Variants in KCNAB1 observed in about 807,000 individuals in gnomAD.
The protein encoded by KCNAB1 is potassium voltage-gated channel subfamily A regulatory beta subunit 1, also known as voltage-gated potassium channel subunit beta-1.
Under a neutral mutation model 64.6 loss-of-function variants are expected in KCNAB1, and 35 were observed. That is an observed-to-expected ratio of 0.54 (90% CI 0.41 to 0.72). The LOEUF is 0.72. KCNAB1 is among the 30% of genes least tolerant of loss of function. KCNAB1 has a pLI of 0.00. For synonymous variants in KCNAB1, 177 were observed against 183.8 expected (o/e 0.96, Z 0.30); for missense variants, 401 against 512.9 (o/e 0.78, Z 2.11).
chr3:156,156,039 T>C (rs1715691317), intron 1 of KCNAB1, among the ~76,000 whole-genome samples: 1 of 152,170 alleles, frequency 6.6e-6, no homozygotes, highest in Non-Finnish European at 1.5e-5. Flanking sequence ...TGACTACCTG[T>C]GTGTTTGACC....
At chr3:156,352,599 C>G (rs1724929711) in intron 1 of KCNAB1, among the ~76,000 whole-genome samples, 1 of 152,224 alleles carries the variant, frequency 6.6e-6, no homozygotes, top group African/African-American at 2.4e-5. Context: ...CGGCCCTGGA[C>G]AGCCCCTTCA....
At chr3:156,443,935 AG>A (rs1200327249) in intron 2 of KCNAB1, among the ~76,000 whole-genome samples, 3 of 152,178 alleles carry the variant, frequency 2.0e-5, no homozygotes, top group Non-Finnish European at 4.4e-5. Flanking sequence ...CCCACCCCTC[AG>A]CCCCCTTGAG....
intron 1 of KCNAB1, among the ~76,000 whole-genome samples, chr3:156,375,237 A>C (rs938095466): frequency 7.4e-6 from 1 of 135,830 alleles, no homozygotes; most frequent in Admixed American, 6.9e-5. Context: ...CAGAACGTAG[A>C]ATGCAGTTTT....
At position 156,237,427 on chromosome 3, in the gene KCNAB1, A is replaced by G. The variant is rs116641932; in HGVS notation, c.275+116541A>G. Reference sequence around the variant, plus strand: ...AAATATTAGAAATTACAAGAAATGGAAAAACGAGAATTAAAGTTGCCTTTT... The same window carrying G: ...AAATATTAGAAATTACAAGAAATGGGAAAACGAGAATTAAAGTTGCCTTTT... On this transcript the variant is annotated intron_variant, in intron 1 of 13. Coordinates refer to ENST00000490337, the MANE Select transcript of KCNAB1 (RefSeq NM_172160.3). Among the ~76,000 whole-genome samples the G allele has an allele frequency of 8.0e-3, 1,223 of 152,338 alleles. 20 individuals carry two copies. Among genetic ancestry groups the G allele is most frequent in the African/African-American group, 0.028 (1,183 of 41,574 alleles).
chr3:156,433,490 G>A (rs893814558), intron 2 of KCNAB1, among the ~76,000 whole-genome samples: 2 of 152,198 alleles, frequency 1.3e-5, no homozygotes, highest in Non-Finnish European at 2.9e-5. Context: ...AAGGCTTCCT[G>A]GAGGAAGAGT....
At chr3:156,356,472 G>A (rs1560214180) in intron 1 of KCNAB1, among the ~76,000 whole-genome samples, 2 of 152,038 alleles carry the variant, frequency 1.3e-5, no homozygotes, top group Admixed American at 6.5e-5. Flanking sequence ...AGTTGTTGAT[G>A]GGACAATAGA....
In KCNAB1 at chr3:156,421,649, C is replaced by T. The variant is rs1387249405; in HGVS notation, c.309C>T (p.Cys103=). The change falls in exon 2 of 14, where the codon TGC becomes TGT. Residue 103 remains cysteine (C), a synonymous_variant. Transcript: ENST00000490337. ...NLGKSGLRVS[C]LGLGTWVTFG... ...GAAAATCAGGACTCAGAGTTTCTTGCTTGGGTCTTGGTAAGTACTGAGGGT... is the reference window on the plus strand; with the variant it reads ...GAAAATCAGGACTCAGAGTTTCTTGTTTGGGTCTTGGTAAGTACTGAGGGT... 1.9e-6 allele frequency: 3 copies of T among 1,613,850 alleles called. No homozygotes were observed. The highest frequency in any genetic ancestry group is 2.5e-6 in the Non-Finnish European group (3 of 1,179,842).
intron 1 of KCNAB1, among the ~76,000 whole-genome samples, chr3:156,297,649 T>A (rs576269735): frequency 7.9e-5 from 12 of 152,278 alleles, no homozygotes; most frequent in African/African-American, 2.9e-4. Flanking sequence ...TTAAAGCACA[T>A]GTCACAGTCA....
intron 1 of KCNAB1, among the ~76,000 whole-genome samples, chr3:156,284,230 G>A (rs1451219501): frequency 2.0e-5 from 3 of 152,134 alleles, no homozygotes; most frequent in Admixed American, 6.5e-5. Context: ...CCTGCCGTGT[G>A]AGGTGTCAGT....
intron 1 of KCNAB1, among the ~76,000 whole-genome samples, chr3:156,170,526 A>C (rs749062801): frequency 6.6e-6 from 1 of 152,160 alleles, no homozygotes; most frequent in African/African-American, 2.4e-5. Context: ...GGTGTGATAG[A>C]TACTACCCAT....
intron 1 of KCNAB1, among the ~76,000 whole-genome samples, chr3:156,376,507 A>G (rs943098001): frequency 6.6e-6 from 1 of 152,250 alleles, no homozygotes; most frequent in African/African-American, 2.4e-5. Flanking sequence ...GGAGTGAAAA[A>G]AAGCAAGGAC....
intron 1 of KCNAB1, among the ~76,000 whole-genome samples, chr3:156,348,442 C>A (rs1198253387): frequency 1.3e-5 from 2 of 152,180 alleles, no homozygotes; most frequent in Non-Finnish European, 2.9e-5. Flanking sequence ...ACTGACATTT[C>A]TTGTCCGTGG....
intron 1 of KCNAB1, among the ~76,000 whole-genome samples, chr3:156,371,023 G>A (rs1383616059): frequency 6.6e-6 from 1 of 152,142 alleles, no homozygotes; most frequent in African/African-American, 2.4e-5. Context: ...GTGTTCCATG[G>A]TACAAACCAG....
At chr3:156,485,916 G>A (rs1452865907) in intron 8 of KCNAB1, among the ~76,000 whole-genome samples, 1 of 152,054 alleles carries the variant, frequency 6.6e-6, no homozygotes, top group Non-Finnish European at 1.5e-5. Flanking sequence ...CAAAGGACAT[G>A]ATTTCATTCT....
chr3:156,468,229 GA>G (rs1445538145), intron 7 of KCNAB1, among the ~76,000 whole-genome samples: 19 of 151,668 alleles, frequency 1.3e-4, no homozygotes, highest in Non-Finnish European at 2.1e-4. Context: ...ACTTGCAATA[GA>G]AAAAAAATAG....
rs530348284 is a variant in KCNAB1 at position 156,397,731 on chromosome 3, G to A, written c.276-23885G>A. ...GACCCATCCTTTTACAGGGTAAATG[G>A]AGCTTCTTTGTTCCTTATATCCATT... On this transcript the variant is annotated intron_variant, in intron 1 of 13. Coordinates refer to ENST00000490337, the MANE Select transcript of KCNAB1 (RefSeq NM_172160.3). 6.8e-4 allele frequency among the ~76,000 whole-genome samples: 103 copies of A among 152,172 alleles called. 1 individual carries two copies. The South Asian group carries it at 0.011, about 17-fold the overall frequency.
At chr3:156,456,509 T>C (rs1353033986) in intron 3 of KCNAB1, among the ~76,000 whole-genome samples, 1 of 152,270 alleles carries the variant, frequency 6.6e-6, no homozygotes, top group East Asian at 1.9e-4. Flanking sequence ...AGCATACTAT[T>C]ATGCTAAAGA....
intron 1 of KCNAB1, among the ~76,000 whole-genome samples, chr3:156,193,239 A>AT (rs1430394131): frequency 2.6e-5 from 4 of 152,104 alleles, no homozygotes; most frequent in South Asian, 2.1e-4. Context: ...TTGACTTATG[A>AT]TTTTTTGATG....
In KCNAB1 at chr3:156,132,724, T is replaced by C. The variant is rs145238005; in HGVS notation, c.275+11838T>C. On this transcript the variant is annotated intron_variant, in intron 1 of 13. Coordinates refer to ENST00000490337, the MANE Select transcript of KCNAB1 (RefSeq NM_172160.3). ...GTTTTTAAGGGGAGCTTCTACAACA[T>C]TGTGTTCATTTAAACAGTGTAATCA... 3.2e-3 allele frequency among the ~76,000 whole-genome samples: 490 copies of C among 152,326 alleles called. 2 individuals carry two copies. Among genetic ancestry groups the C allele is most frequent in the African/African-American group, 0.011 (460 of 41,564 alleles).
Sources: allele counts gnomAD v4.1 joint callset (sites outside exome capture counted in the v4.1 genomes callset), GRCh38; gene constraint gnomAD v4.1.1; transcripts MANE v1.5; gene names NCBI Gene and HGNC (gene_info 2026-07-23, HGNC 2026-07-21).